AP3D1: variants seen among roughly 807,000 people sequenced by gnomAD.
The protein encoded by AP3D1 is adaptor related protein complex 3 subunit delta 1, also known as AP-3 complex subunit delta-1.
AP3D1 carries 51 observed loss-of-function variants against 147.6 expected under a neutral mutation model. That is an observed-to-expected ratio of 0.35 (90% CI 0.28 to 0.44). The LOEUF is 0.44. Ranked by LOEUF, AP3D1 falls within the 20% of genes least tolerant of loss-of-function variation. AP3D1 has a pLI of 1.00. For synonymous variants in AP3D1, 760 were observed against 663.0 expected, an observed-to-expected ratio of 1.15 and a Z score of -2.25; for missense variants, 1,421 against 1,624.2, an observed-to-expected ratio of 0.87 and a Z score of 2.15.
intron 12 of AP3D1, 63 bp downstream of exon 12, chr19:2,121,671 G>A: frequency 6.6e-7 from 1 of 1,519,688 alleles, no homozygotes; most frequent in East Asian, 2.3e-5. Flanking sequence ...CTCTGCACCT[G>A]ACACTTAATG....
At chr19:2,145,777 C>A (rs1171061069) in intron 1 of AP3D1, among the ~76,000 whole-genome samples, 1 of 152,198 alleles carries the variant, frequency 6.6e-6, no homozygotes, top group African/African-American at 2.4e-5. Flanking sequence ...ACACACCAAG[C>A]CTTCTGCCCA....
rs369944468 is a variant in AP3D1, at chr19:2,143,390, G to A, written c.97-4676C>T. 1.2e-4 allele frequency among the ~76,000 whole-genome samples: 18 copies of A among 151,846 alleles called. No homozygotes were observed. The East Asian group carries it at 2.1e-3, about 18-fold the overall frequency. ...CAAGTAGCTGGGACTACAGGCGCCCGCGACCATGCCTGGCTAATTTTTTGT... is the reference window on the plus strand; with the variant it reads ...CAAGTAGCTGGGACTACAGGCGCCCACGACCATGCCTGGCTAATTTTTTGT... On this transcript the variant is annotated intron_variant, in intron 1 of 31. Coordinates refer to ENST00000643116, the MANE Select transcript of AP3D1 (RefSeq NM_001261826.3).
intron 1 of AP3D1, among the ~76,000 whole-genome samples, chr19:2,158,051 C>T (rs574298042): frequency 7.9e-5 from 12 of 151,958 alleles, no homozygotes; most frequent in African/African-American, 2.9e-4. Context: ...CACGGCTCAG[C>T]AGAATTTTGT....
chr19:2,109,515 C>G (rs908324056), intron 29 of AP3D1: 2 of 483,222 alleles, frequency 4.1e-6, no homozygotes, highest in Admixed American at 3.6e-5. Context: ...GATGCAGGCA[C>G]GCAGAGGACG....
intron 31 of AP3D1, among the ~76,000 whole-genome samples, chr19:2,104,481 G>C (rs1441488567): frequency 6.6e-6 from 1 of 150,382 alleles, no homozygotes; most frequent in Non-Finnish European, 1.5e-5. Context: ...CCAATGCCCA[G>C]ACCCCAACAC....
At chr19:2,143,867 C>G (rs1019859736) in intron 1 of AP3D1, among the ~76,000 whole-genome samples, 1 of 151,960 alleles carries the variant, frequency 6.6e-6, no homozygotes, top group African/African-American at 2.4e-5. Context: ...GCGGGTGCAT[C>G]GCCTGAGGTT....
intron 17 of AP3D1, 87 bp from the exon 18 acceptor site, chr19:2,116,365 A>G (rs1004086496): frequency 2.2e-4 from 316 of 1,412,888 alleles, no homozygotes; most frequent in Non-Finnish European, 2.4e-4. Context: ...CAGCTGGGGA[A>G]GGCTGGATCT....
At chr19:2,138,577 C>T (rs757324654) in intron 2 of AP3D1, 42 bp downstream of exon 2, 2 of 1,455,540 alleles carry the variant, frequency 1.4e-6, no homozygotes, top group Admixed American at 1.7e-5. Flanking sequence ...AGTGGAGAAG[C>T]AGCCCGACAG....
Position 2,138,508 on chromosome 19 carries a change from A to G in AP3D1, c.192+111T>C, listed in dbSNP as rs12460763. On this transcript the variant is annotated intron_variant, in intron 2 of 31. Coordinates refer to ENST00000643116, the MANE Select transcript of AP3D1 (RefSeq NM_001261826.3). Reference sequence around the variant, plus strand: ...TGGCCCTGAGTGGCTCACCGACAGCAGGTGGTACCAATGACTGACAGGTGG... The same window carrying G: ...TGGCCCTGAGTGGCTCACCGACAGCGGGTGGTACCAATGACTGACAGGTGG... 0.49 allele frequency: 413,100 copies of G among 836,384 alleles called. 103,187 individuals are homozygous for G. Among genetic ancestry groups the G allele is most frequent in the East Asian group, 0.56 (22,686 of 40,370 alleles). The allele number at this position is 836,384 out of a possible 1,614,324, so 51.8% of individuals were successfully genotyped here.
intron 8 of AP3D1, among the ~76,000 whole-genome samples, chr19:2,128,301 C>T (rs1182778733): frequency 3.3e-5 from 5 of 152,110 alleles, no homozygotes; most frequent in Non-Finnish European, 2.9e-5. Context: ...ACTCCCCAAA[C>T]GTCTCTAAGC....
At position 2,108,608 on chromosome 19, in the gene AP3D1, G is replaced by A. The variant is rs921972539; in HGVS notation, c.3552+79C>T. The A allele has an allele frequency of 1.5e-5, 20 of 1,346,910 alleles. 1 individual carries two copies. The highest frequency in any genetic ancestry group is 8.8e-5 in the South Asian group (7 of 79,316). The allele number at this position is 1,346,910 out of a possible 1,614,324, so 83.4% of individuals were successfully genotyped here. ...TCGAGCCCTCTAAGTCCCAAAGCGCGCCTCTGGGGATGAAGGCCTGGGCAT... is the reference window on the plus strand; with the variant it reads ...TCGAGCCCTCTAAGTCCCAAAGCGCACCTCTGGGGATGAAGGCCTGGGCAT... On this transcript the variant is annotated intron_variant, in intron 31 of 31. Transcript: ENST00000643116.
Position 2,115,438 on chromosome 19 carries a change from A to T in AP3D1, c.2150-20T>A, listed in dbSNP as rs1225338908. 1 of 1,608,796 alleles carries T rather than the reference A, an allele frequency of 6.2e-7. No individual in the cohort carries two copies. The highest frequency in any genetic ancestry group is 2.2e-5 in the East Asian group (1 of 44,876). ...GCAGCCCTGCGGGCCGGCAGCGGGC[A>T]GCCACTCAGCACTGCACCCCAGGGG... On this transcript the variant is annotated intron_variant, in intron 19 of 31. Transcript: ENST00000643116.
At chr19:2,103,529 C>T (rs964656890) in intron 31 of AP3D1, among the ~76,000 whole-genome samples, 4 of 152,196 alleles carry the variant, frequency 2.6e-5, no homozygotes, top group African/African-American at 7.2e-5. Context: ...AAGCTGCTCA[C>T]GATCTGCTAG....
rs575449976 is a variant in AP3D1 at position 2,146,473 on chromosome 19, G to A, written c.96+4766C>T. On this transcript the variant is annotated intron_variant, in intron 1 of 31. Coordinates refer to ENST00000643116, the MANE Select transcript of AP3D1 (RefSeq NM_001261826.3). Reference sequence around the variant, plus strand: ...ACAAAAATTAGCCAGGTGTGATGGCGGCCACCTGTAATCCCAGCTACTTCG... The same window carrying A: ...ACAAAAATTAGCCAGGTGTGATGGCAGCCACCTGTAATCCCAGCTACTTCG... Among the ~76,000 whole-genome samples the A allele has an allele frequency of 2.0e-4, 31 of 152,014 alleles. 1 individual carries two copies. The South Asian group carries it at 3.1e-3, about 15-fold the overall frequency.
At chr19:2,141,390 G>C (rs1305190494) in intron 1 of AP3D1, among the ~76,000 whole-genome samples, 1 of 150,786 alleles carries the variant, frequency 6.6e-6, no homozygotes, top group African/African-American at 2.4e-5. Flanking sequence ...ACTGCAGTAA[G>C]ACAGGCCATT....
Position 2,151,404 on chromosome 19 carries a change from G to C in AP3D1, c.-70C>G. The C allele has an allele frequency of 9.5e-7, 1 of 1,053,536 alleles. No homozygotes were observed. The highest frequency in any genetic ancestry group is 1.2e-6 in the Non-Finnish European group (1 of 833,482). The allele number at this position is 1,053,536 out of a possible 1,614,324, so 65.3% of individuals were successfully genotyped here. A position where few individuals can be genotyped will look rare whatever the true frequency, so the allele number is the denominator to read the frequency against. ...CGCCGTGAGGGGGCCCGGGGCCCGT[G>C]CCTGCCGCCCGCGGAGCGCCGCGCT... On this transcript the variant is annotated 5_prime_UTR_variant, in exon 1 of 32. Coordinates refer to ENST00000643116, the MANE Select transcript of AP3D1 (RefSeq NM_001261826.3).
At chr19:2,162,280 C>T (rs1199819419) in intron 1 of AP3D1, among the ~76,000 whole-genome samples, 2 of 149,628 alleles carry the variant, frequency 1.3e-5, no homozygotes, top group African/African-American at 4.9e-5. Context: ...TCGTGATCCA[C>T]CCGCCTCGGC....
intron 31 of AP3D1, among the ~76,000 whole-genome samples, chr19:2,104,296 C>T (rs1407640387): frequency 7.3e-6 from 1 of 137,872 alleles, no homozygotes; most frequent in Non-Finnish European, 1.7e-5. Context: ...ACCCCAACGC[C>T]AAGACACCAA....
intron 31 of AP3D1, among the ~76,000 whole-genome samples, chr19:2,108,005 T>G (rs2018160359): frequency 1.3e-5 from 2 of 152,192 alleles, no homozygotes; most frequent in Non-Finnish European, 2.9e-5. Context: ...AAACTGAGGA[T>G]GTAGCTAAAA....
Sources: allele counts gnomAD v4.1 joint callset (sites outside exome capture counted in the v4.1 genomes callset), GRCh38; gene constraint gnomAD v4.1.1; transcripts MANE v1.5; gene names NCBI Gene and HGNC (gene_info 2026-07-23, HGNC 2026-07-21).